Variants in LPP observed in about 807,000 individuals in gnomAD.
LPP encodes the protein LIM domain containing preferred translocation partner in lipoma, also known as lipoma-preferred partner.
Under a neutral mutation model 60.4 loss-of-function variants are expected in LPP, and 38 were observed. That is an observed-to-expected ratio of 0.63 (90% CI 0.49 to 0.83). LPP has a LOEUF of 0.83. Ranked by LOEUF, LPP falls within the 40% of genes least tolerant of loss-of-function variation. The probability of loss-of-function intolerance (pLI) is 0.00; values close to 1 mark genes in which losing one functional copy is unlikely to be tolerated. For missense variants in LPP, 902 were observed against 783.6 expected, an observed-to-expected ratio of 1.15 and a Z score of -1.80; for synonymous variants, 328 against 290.8, an observed-to-expected ratio of 1.13 and a Z score of -1.30.
At chr3:188,708,029 T>TA (rs763934355) in intron 7 of LPP, among the ~76,000 whole-genome samples, 7 of 152,236 alleles carry the variant, frequency 4.6e-5, no homozygotes, top group Non-Finnish European at 7.3e-5. Context: ...TTCTTCCTAT[T>TA]GTAAACATGG....
chr3:188,433,426 C>T (rs916998701), intron 4 of LPP, among the ~76,000 whole-genome samples: 11 of 151,890 alleles, frequency 7.2e-5, no homozygotes, highest in South Asian at 2.1e-4. Flanking sequence ...TCACAGTAAT[C>T]GGGTCATAAG....
In LPP at chr3:188,577,626, TAA is replaced by T. The variant is rs1238896764; in HGVS notation, c.430-31529_430-31528del. Among the ~76,000 whole-genome samples the T allele has an allele frequency of 4.6e-5, 7 of 151,864 alleles. 1 individual carries two copies. In the South Asian group the frequency reaches 1.5e-3, roughly 32 times the overall value. ...TATGTATATACATATGTTTTGCAAG[TAA>T]AAAAACTTTAGTAATAAATATCTAC... is the stretch of plus-strand genomic sequence containing the variant. On this transcript the variant is annotated intron_variant, in intron 6 of 11. Coordinates refer to ENST00000617246, the MANE Select transcript of LPP (RefSeq NM_001375462.1).
At chr3:188,343,282 A>T (rs1007552494) in intron 3 of LPP, among the ~76,000 whole-genome samples, 2 of 152,188 alleles carry the variant, frequency 1.3e-5, no homozygotes, top group African/African-American at 4.8e-5. Context: ...CATCATTCTC[A>T]GCAAACTAAC....
intron 8 of LPP, among the ~76,000 whole-genome samples, chr3:188,757,862 CA>C (rs1730777494): frequency 2.0e-5 from 2 of 100,610 alleles, no homozygotes; most frequent in African/African-American, 7.8e-5. Context: ...AAACATAGCA[CA>C]TTTTTTTTGT....
rs1309871779 is a variant in LPP at position 188,686,721 on chromosome 3, G to A, written c.1114-21546G>A. The stretch of plus-strand genomic sequence containing the variant: ...AGAATCTATGATTTAGATAGAAGAT[G>A]GGAAGCCGAGGGAGGCCATGGGAAA... On this transcript the variant is annotated intron_variant, in intron 7 of 11. Transcript: ENST00000617246. Among the ~76,000 whole-genome samples, 3 of 152,150 alleles carry A rather than the reference G, an allele frequency of 2.0e-5. No homozygotes were observed. In the East Asian group the frequency reaches 5.8e-4, roughly 29 times the overall value.
intron 1 of LPP, among the ~76,000 whole-genome samples, chr3:188,161,203 G>C (rs1309147352): frequency 1.3e-5 from 2 of 152,010 alleles, no homozygotes; most frequent in Non-Finnish European, 2.9e-5. Flanking sequence ...AGCAAAGGAG[G>C]GCCTTGTTGG....
rs1560311050 is a variant in LPP, at chr3:188,371,634, TA to T, written c.-10+29916del. Reference sequence around the variant, plus strand: ...GTGGGAAAATATATATATATATATATATATATATTTTTTTTTTTTTTTTTTT... The same window carrying T: ...GTGGGAAAATATATATATATATATATTATATATTTTTTTTTTTTTTTTTTT... On this transcript the variant is annotated intron_variant, in intron 3 of 11. Coordinates refer to ENST00000617246, the MANE Select transcript of LPP (RefSeq NM_001375462.1). Among the ~76,000 whole-genome samples, 145 of 32,584 alleles carry T rather than the reference TA, an allele frequency of 4.5e-3. 1 individual carries two copies. The highest frequency in any genetic ancestry group is 0.01 in the African/African-American group (142 of 13,526). 21.4% of individuals were successfully genotyped at this position (32,584 alleles called of 152,430 possible).
chr3:188,445,011 A>G (rs935843076), intron 4 of LPP, among the ~76,000 whole-genome samples: 1 of 152,186 alleles, frequency 6.6e-6, no homozygotes, highest in Non-Finnish European at 1.5e-5. Flanking sequence ...GGATGTGGAG[A>G]AATAAGAATG....
At chr3:188,538,810 A>G (rs1239833713) in intron 6 of LPP, among the ~76,000 whole-genome samples, 1 of 152,218 alleles carries the variant, frequency 6.6e-6, no homozygotes, top group Non-Finnish European at 1.5e-5. Flanking sequence ...GGATAAACAA[A>G]ATGTGGTGTA....
chr3:188,388,528 A>G (rs1778907721), intron 3 of LPP, among the ~76,000 whole-genome samples: 1 of 152,218 alleles, frequency 6.6e-6, no homozygotes, highest in Non-Finnish European at 1.5e-5. Context: ...GCAGTAACAG[A>G]ACCCACCCAG....
At chr3:188,780,342 T>C (rs1739238268) in intron 9 of LPP, among the ~76,000 whole-genome samples, 1 of 152,230 alleles carries the variant, frequency 6.6e-6, no homozygotes, top group Non-Finnish European at 1.5e-5. Flanking sequence ...GATTCTGTAA[T>C]GATGTCTGTG....
At chr3:188,508,383 T>A (rs188325350) in intron 5 of LPP, among the ~76,000 whole-genome samples, 30 of 152,370 alleles carry the variant, frequency 2.0e-4, no homozygotes, top group Admixed American at 2.6e-4. Context: ...TATTGCCCTT[T>A]GTTAATGAAA....
In LPP at chr3:188,592,563, T is replaced by TTTTTTTTTTTTTTTTTTTGTTGG; in HGVS notation, c.430-16598_430-16597insTTTTTTTTTTTTTTTTTTGTTGG. 2.6e-5 allele frequency among the ~76,000 whole-genome samples: 2 copies of TTTTTTTTTTTTTTTTTTTGTTGG among 77,226 alleles called. 1 individual carries two copies. The highest frequency in any genetic ancestry group is 2.6e-4 in the Admixed American group (2 of 7,768). The allele number at this position is 77,226 out of a possible 152,430, so 50.7% of individuals were successfully genotyped here. A position where few individuals can be genotyped will look rare whatever the true frequency, so the allele number is the denominator to read the frequency against. On this transcript the variant is annotated intron_variant, in intron 6 of 11. Transcript: ENST00000617246. ...TGTTTTTAGTTTTGTTTTTGTTTTTTAAATGGAGTCTCACTCTTTCTCCCA... is the reference window on the plus strand; with the variant it reads ...TGTTTTTAGTTTTGTTTTTGTTTTTTTTTTTTTTTTTTTTTTTTGTTGGAAATGGAGTCTCACTCTTTCTCCCA...
At chr3:188,757,059 T>C (rs1730505646) in intron 8 of LPP, among the ~76,000 whole-genome samples, 1 of 152,202 alleles carries the variant, frequency 6.6e-6, no homozygotes, top group Non-Finnish European at 1.5e-5. Context: ...CAAAATTCCA[T>C]CCTTGAAGGT....
chr3:188,188,016 AGCC>A (rs1348712623), intron 1 of LPP, among the ~76,000 whole-genome samples: 2 of 152,200 alleles, frequency 1.3e-5, no homozygotes, highest in African/African-American at 4.8e-5. Context: ...TTTAAAATTT[AGCC>A]ATTTACATAT....
chr3:188,740,274 T>C (rs575089495), intron 8 of LPP, among the ~76,000 whole-genome samples: 1 of 152,226 alleles, frequency 6.6e-6, no homozygotes, highest in East Asian at 1.9e-4. Context: ...TTCATAACAG[T>C]GCCAATGAGT....
chr3:188,672,906 C>T (rs1048925340), intron 7 of LPP, among the ~76,000 whole-genome samples: 6 of 151,460 alleles, frequency 4.0e-5, no homozygotes, highest in African/African-American at 1.2e-4. Flanking sequence ...ATTTTACTAT[C>T]TATAATTTAG....
At chr3:188,742,628 G>A (rs533173087) in intron 8 of LPP, among the ~76,000 whole-genome samples, 21 of 152,122 alleles carry the variant, frequency 1.4e-4, no homozygotes, top group South Asian at 6.2e-4. Context: ...CTGACACAAA[G>A]CAATCAGTGG....
chr3:188,210,939 T>C (rs1309383393), intron 1 of LPP, among the ~76,000 whole-genome samples: 1 of 152,196 alleles, frequency 6.6e-6, no homozygotes, highest in Non-Finnish European at 1.5e-5. Flanking sequence ...TGAATTCTGG[T>C]TCTGGCATGC....
Sources: gnomAD v4.1 joint callset for allele counts (sites outside exome capture counted in the v4.1 genomes callset) on GRCh38, gnomAD v4.1.1 for gene constraint, MANE v1.5 for transcripts, NCBI Gene and HGNC (gene_info 2026-07-23, HGNC 2026-07-21) for gene names.